The following IGDCC4 variants were observed in gnomAD, a reference collection of about 807,000 sequenced individuals.
IGDCC4 encodes immunoglobulin superfamily DCC subclass member 4.
In IGDCC4, 72 loss-of-function variants were observed where a neutral mutation model predicts 116.6. That is an observed-to-expected ratio of 0.62 (90% confidence interval 0.51 to 0.75). The LOEUF is 0.75. IGDCC4 is among the 30% of genes least tolerant of loss of function. The pLI, the probability that IGDCC4 is intolerant of heterozygous loss-of-function variation, is 0.00. For missense variants in IGDCC4, 1,501 were observed against 1,662.4 expected (o/e 0.90, Z 1.69); for synonymous variants, 709 against 719.9 (o/e 0.98, Z 0.24).
rs1400682692 is a variant in IGDCC4, at chr15:65,396,987, C to T, written c.844G>A (p.Gly282Arg). ...TPFVSWVRQDGKPISTDVIVL... is the reference protein window; with the variant it reads ...TPFVSWVRQDRKPISTDVIVL... Reference sequence around the variant, plus strand: ...ATGACATCTGTGGAGATGGGCTTCCCGTCTGGGGAAGGAGAGGGAGACGCG... The same window carrying T: ...ATGACATCTGTGGAGATGGGCTTCCTGTCTGGGGAAGGAGAGGGAGACGCG... The change falls in exon 6 of 20, where the codon GGG becomes AGG. Residue 282 changes from glycine (G) to arginine (R), a missense_variant and splice_region_variant. Gly to Arg is a moderately radical substitution (Grantham distance 125, BLOSUM62 -2). Transcript: ENST00000352385. 8 of 1,578,834 alleles carry T rather than the reference C, an allele frequency of 5.1e-6. No individual in the cohort carries two copies. The African/African-American group carries it at 5.4e-5, about 11-fold the overall frequency.
intron 7 of IGDCC4, 112 bp from the exon 8 acceptor site, chr15:65,395,370 C>A (rs568448491): frequency 3.6e-6 from 4 of 1,100,526 alleles, no homozygotes; most frequent in Non-Finnish European, 5.1e-6. Context: ...ATAGCTAAAT[C>A]ATCCCAGATA....
intron 1 of IGDCC4, among the ~76,000 whole-genome samples, chr15:65,417,911 T>C (rs1595797004): frequency 6.6e-6 from 1 of 152,210 alleles, no homozygotes; most frequent in East Asian, 1.9e-4. Context: ...TCTAGGTTTT[T>C]GACTTGCCTT....
At position 65,381,918 on chromosome 15, in the gene IGDCC4, G is replaced by A. The variant is rs1567076615; in HGVS notation, c.*2091C>T. The A allele has an allele frequency of 6.6e-6, 1 of 152,532 alleles. No homozygotes were observed. The highest frequency in any genetic ancestry group is 1.5e-5 in the Non-Finnish European group (1 of 68,038). 9.4% of individuals were successfully genotyped at this position (152,532 alleles called of 1,614,324 possible). ...AGATTTATTACTTATTTGCTTTTGA[G>A]AAACAATTTTCCACCCAACCTAATG... On this transcript the variant is annotated 3_prime_UTR_variant, in exon 20 of 20. Coordinates refer to ENST00000352385, the MANE Select transcript of IGDCC4 (RefSeq NM_020962.3).
intron 3 of IGDCC4, among the ~76,000 whole-genome samples, chr15:65,407,919 C>T (rs977806360): frequency 7.9e-5 from 12 of 151,810 alleles, no homozygotes; most frequent in South Asian, 2.1e-4. Flanking sequence ...CAGGCGTGAG[C>T]CACCGCGCCC....
At chr15:65,401,903 C>T (rs2062990421) in intron 4 of IGDCC4, among the ~76,000 whole-genome samples, 1 of 152,286 alleles carries the variant, frequency 6.6e-6, no homozygotes, top group Admixed American at 6.5e-5. Context: ...AGGATAAGAG[C>T]ACTAGGCCAC....
At chr15:65,405,186 G>A (rs1430992328) in intron 3 of IGDCC4, among the ~76,000 whole-genome samples, 1 of 151,416 alleles carries the variant, frequency 6.6e-6, no homozygotes, top group African/African-American at 2.4e-5. Flanking sequence ...TTAGAAAATA[G>A]AGAAAAGTTA....
chr15:65,393,675 C>A lies in IGDCC4; in HGVS notation c.1715-144G>T. Reference sequence around the variant, plus strand: ...CGTTCTCAGCACTGACCCCTCAGTGCCTGGGCAGATTCTATGGCTCCAGGG... The same window carrying A: ...CGTTCTCAGCACTGACCCCTCAGTGACTGGGCAGATTCTATGGCTCCAGGG... On this transcript the variant is annotated intron_variant, in intron 9 of 19. Transcript: ENST00000352385. This position sits in a 1 kb window ranked among gnomAD's most constrained non-coding sequence, Gnocchi z 4.6. The A allele has an allele frequency of 1.3e-6, 1 of 779,690 alleles. No individual in the cohort carries two copies. Among genetic ancestry groups the A allele is most frequent in the South Asian group, 2.1e-5 (1 of 48,644 alleles). The allele number at this position is 779,690 out of a possible 1,614,324, so 48.3% of individuals were successfully genotyped here. A position where few individuals can be genotyped will look rare whatever the true frequency, so the allele number is the denominator to read the frequency against.
intron 13 of IGDCC4, 50 bp downstream of exon 13, chr15:65,390,105 C>A (rs939180634): frequency 6.8e-7 from 1 of 1,481,256 alleles, no homozygotes; most frequent in East Asian, 2.3e-5. Flanking sequence ...CCACCACCCC[C>A]CACCTATTCT....
rs1304873117 is a variant in IGDCC4 at position 65,393,566 on chromosome 15, C to G, written c.1715-35G>C. 5 of 1,562,636 alleles carry G rather than the reference C, an allele frequency of 3.2e-6. No homozygotes were observed. The East Asian group carries it at 9.1e-5, about 29-fold the overall frequency. On this transcript the variant is annotated intron_variant, in intron 9 of 19. Coordinates refer to ENST00000352385, the MANE Select transcript of IGDCC4 (RefSeq NM_020962.3). This position sits in a 1 kb window ranked among gnomAD's most constrained non-coding sequence, Gnocchi z 4.6. ...CAGAAAAGGTGGGCTGCTGGGTAGC[C>G]ACCTGAGGAACAGGATCCTAAACCC...
rs547562435 is a variant in IGDCC4, at chr15:65,410,405, T to G, written c.422-86A>C. 8.6e-6 allele frequency: 13 copies of G among 1,503,998 alleles called. No homozygotes were observed. The African/African-American group carries it at 1.8e-4, about 21-fold the overall frequency. 93.2% of individuals were successfully genotyped at this position (1,503,998 alleles called of 1,614,324 possible). On this transcript the variant is annotated intron_variant, in intron 2 of 19. Coordinates refer to ENST00000352385, the MANE Select transcript of IGDCC4 (RefSeq NM_020962.3). ...GCACAAACAGTGAAACACATCCGCA[T>G]GGAGACACAGAAACACACAGTCACA...
At position 65,383,054 on chromosome 15, in the gene IGDCC4, G is replaced by A. The variant is rs1022826889; in HGVS notation, c.*955C>T. 3.9e-5 allele frequency: 6 copies of A among 152,722 alleles called. No homozygotes were observed. The highest frequency in any genetic ancestry group is 1.4e-4 in the African/African-American group (6 of 41,432). The allele number at this position is 152,722 out of a possible 1,614,324, so 9.5% of individuals were successfully genotyped here. On this transcript the variant is annotated 3_prime_UTR_variant, in exon 20 of 20. Coordinates refer to ENST00000352385, the MANE Select transcript of IGDCC4 (RefSeq NM_020962.3). ...CACTGGGCGTGGGTGGGCTGCCTGG[G>A]GCAGGGCAAGCAGAAGCACTGAGTG...
At chr15:65,418,579 C>T (rs1367426526) in intron 1 of IGDCC4, among the ~76,000 whole-genome samples, 1 of 152,154 alleles carries the variant, frequency 6.6e-6, no homozygotes, top group Non-Finnish European at 1.5e-5. Context: ...GCTGGCAGCC[C>T]AGTTGGCACA....
intron 2 of IGDCC4, 31 bp downstream of exon 2, chr15:65,410,989 C>A (rs940924896): frequency 6.4e-7 from 1 of 1,557,832 alleles, no homozygotes. Flanking sequence ...TGGGTTTCAG[C>A]CTCAGACCCC....
rs147554911 is a variant in IGDCC4 at position 65,406,847 on chromosome 15, C to T, written c.563+3331G>A. 2.1e-3 allele frequency among the ~76,000 whole-genome samples: 323 copies of T among 152,174 alleles called. 1 individual carries two copies. The highest frequency in any genetic ancestry group is 7.3e-3 in the African/African-American group (303 of 41,528). ...CTCCTGGGTTAGGTTTGTGGCTTCACGGGATGACGCCTGAGCTAGACGTTG... is the reference window on the plus strand; with the variant it reads ...CTCCTGGGTTAGGTTTGTGGCTTCATGGGATGACGCCTGAGCTAGACGTTG... On this transcript the variant is annotated intron_variant, in intron 3 of 19. Coordinates refer to ENST00000352385, the MANE Select transcript of IGDCC4 (RefSeq NM_020962.3).
At chr15:65,412,219 A>G (rs2063101443) in intron 1 of IGDCC4, among the ~76,000 whole-genome samples, 2 of 152,000 alleles carry the variant, frequency 1.3e-5, no homozygotes, top group Non-Finnish European at 2.9e-5. Context: ...ACTCTGTGAG[A>G]AAAGAATATA....
intron 3 of IGDCC4, among the ~76,000 whole-genome samples, chr15:65,404,589 T>C (rs972450218): frequency 6.6e-6 from 1 of 152,220 alleles, no homozygotes; most frequent in Non-Finnish European, 1.5e-5. Flanking sequence ...TTTCTAGGTC[T>C]TTCCAGGGAA....
rs146624616 is a variant in IGDCC4, at chr15:65,395,831, C to A, written c.1330G>T (p.Ala444Ser). The A allele has an allele frequency of 1.2e-4, 192 of 1,543,880 alleles. No individual in the cohort carries two copies. In the African/African-American group the frequency reaches 2.2e-3, roughly 18 times the overall value. The part of the protein sequence containing the change: ...RVTATPLSSS[A>S]VLVAWERPEM... ...GGCCGCTCCCAGGCCACCAACACAG[C>A]GGAGCTGCTCAGTGGCGTAGCAGTG... Residue 444 changes from alanine to serine, a missense_variant, in exon 7 of 20, where the codon GCT becomes TCT. Physicochemically the swap from Ala to Ser is moderately conservative, Grantham distance 99. This residue lies in a region of IGDCC4 where 898 missense variants were observed against 978.9 expected (regional missense o/e 0.92). Coordinates refer to ENST00000352385, the MANE Select transcript of IGDCC4 (RefSeq NM_020962.3).
intron 1 of IGDCC4, among the ~76,000 whole-genome samples, chr15:65,417,444 T>C (rs1595796716): frequency 1.3e-5 from 2 of 152,296 alleles, no homozygotes; most frequent in East Asian, 1.9e-4. Context: ...CAGCAAACCA[T>C]GGCCAATTCT....
intron 5 of IGDCC4, among the ~76,000 whole-genome samples, chr15:65,398,785 G>C (rs1036435310): frequency 7.9e-5 from 12 of 152,234 alleles, no homozygotes; most frequent in African/African-American, 2.9e-4. Flanking sequence ...CAGCTACTTG[G>C]GAAGCTGAGG....
Sources: allele counts gnomAD v4.1 joint callset (sites outside exome capture counted in the v4.1 genomes callset), GRCh38; gene constraint gnomAD v4.1.1; regional missense constraint gnomAD v4.1.1; non-coding constraint Gnocchi (gnomAD v3.1); transcripts MANE v1.5; gene names NCBI Gene and HGNC (gene_info 2026-07-23, HGNC 2026-07-21).